PDCD10: variants seen among roughly 807,000 people sequenced by gnomAD.
PDCD10 encodes the protein programmed cell death 10, also known as programmed cell death protein 10.
PDCD10 carries 4 observed loss-of-function variants against 29.2 expected under a neutral mutation model. The observed-to-expected ratio is 0.14, with a 90% confidence interval of 0.07 to 0.31. The LOEUF is 0.31. Ranked by LOEUF, PDCD10 falls within the 10% of genes least tolerant of loss-of-function variation. The pLI is 1.00. For synonymous variants in PDCD10, 70 were observed against 82.2 expected (o/e 0.85, Z 0.80); for missense variants, 183 against 257.9 (o/e 0.71, Z 1.99).
intron 2 of PDCD10, among the ~76,000 whole-genome samples, chr3:167,728,237 A>T (rs1724422300): frequency 1.4e-5 from 1 of 72,388 alleles, no homozygotes; most frequent in African/African-American, 6.5e-5. Flanking sequence ...AGTTCTCAAT[A>T]AAAAAAAAAA....
intron 2 of PDCD10, among the ~76,000 whole-genome samples, chr3:167,733,593 GTTACCTCCAA>G (rs1559985604): frequency 6.6e-6 from 1 of 152,196 alleles, no homozygotes; most frequent in East Asian, 1.9e-4. Flanking sequence ...AAAAGACGAT[GTTACCTCCAA>G]GAAATGCAAA....
chr3:167,707,357 C>T (rs887135226), intron 3 of PDCD10, among the ~76,000 whole-genome samples: 2 of 152,052 alleles, frequency 1.3e-5, no homozygotes, highest in African/African-American at 4.8e-5. Flanking sequence ...TTAGGGATAA[C>T]GTCTTTGGCT....
chr3:167,688,028 T>C (rs1420321308), intron 6 of PDCD10, among the ~76,000 whole-genome samples: 1 of 152,222 alleles, frequency 6.6e-6, no homozygotes, highest in African/African-American at 2.4e-5. Context: ...GCCTGTCTTT[T>C]CCCATTTTAA....
intron 1 of PDCD10, 50 bp downstream of exon 1, chr3:167,734,612 G>C (rs894273918): frequency 6.6e-6 from 1 of 152,382 alleles, no homozygotes; most frequent in Non-Finnish European, 1.5e-5. Flanking sequence ...GCCGGCAGGC[G>C]GCATTTACAA....
intron 4 of PDCD10, 72 bp from the exon 5 acceptor site, chr3:167,697,198 T>G: frequency 1.2e-6 from 1 of 853,852 alleles, no homozygotes; most frequent in Non-Finnish European, 2.0e-6. Context: ...GTTTAATTGT[T>G]TAGAATCTGT....
intron 3 of PDCD10, among the ~76,000 whole-genome samples, chr3:167,712,761 A>G (rs1319748875): frequency 1.3e-5 from 2 of 152,108 alleles, no homozygotes; most frequent in Non-Finnish European, 2.9e-5. Context: ...AAGAGACGAA[A>G]AAAGATATTC....
chr3:167,734,685 C>G lies in PDCD10; in HGVS notation c.-277G>C, dbSNP rs1277780243. 1 of 154,310 alleles carries G rather than the reference C, an allele frequency of 6.5e-6. No individual in the cohort carries two copies. The highest frequency in any genetic ancestry group is 1.4e-5 in the Non-Finnish European group (1 of 69,496). 9.6% of individuals were successfully genotyped at this position (154,310 alleles called of 1,614,324 possible). A position where few individuals can be genotyped will look rare whatever the true frequency, so the allele number is the denominator to read the frequency against. ...ACGCCCGTAGGGCCCCGCTCTCAGCCCCGTCCGCTCCGCCTGCCAGAACCA... is the reference window on the plus strand; with the variant it reads ...ACGCCCGTAGGGCCCCGCTCTCAGCGCCGTCCGCTCCGCCTGCCAGAACCA... On this transcript the variant is annotated 5_prime_UTR_variant, in exon 1 of 9. Transcript: ENST00000392750.
chr3:167,689,582 C>T (rs1719992151), intron 6 of PDCD10, among the ~76,000 whole-genome samples: 2 of 95,828 alleles, frequency 2.1e-5, no homozygotes, highest in Admixed American at 1.9e-4. Context: ...CCTAGGGAGA[C>T]AAAAACACAG....
intron 2 of PDCD10, among the ~76,000 whole-genome samples, chr3:167,724,666 C>T (rs1435318448): frequency 6.6e-6 from 1 of 152,072 alleles, no homozygotes; most frequent in East Asian, 1.9e-4. Flanking sequence ...AAATAGCATG[C>T]CTAGCAAAAT....
intron 3 of PDCD10, among the ~76,000 whole-genome samples, chr3:167,717,003 T>A (rs1325871491): frequency 6.6e-6 from 1 of 151,976 alleles, no homozygotes; most frequent in Non-Finnish European, 1.5e-5. Context: ...GAACCTGATA[T>A]GACATGAAAT....
At chr3:167,723,480 T>A (rs1723786821) in intron 2 of PDCD10, among the ~76,000 whole-genome samples, 1 of 152,188 alleles carries the variant, frequency 6.6e-6, no homozygotes, top group Admixed American at 6.5e-5. Context: ...GATCACTGAC[T>A]ACAAATCCCA....
chr3:167,693,288 T>C (rs1019719086), intron 6 of PDCD10, among the ~76,000 whole-genome samples: 1 of 152,252 alleles, frequency 6.6e-6, no homozygotes, highest in Non-Finnish European at 1.5e-5. Flanking sequence ...ACATTTCAAC[T>C]TGTACATAAT....
At chr3:167,684,676 C>T (rs1425046745) in intron 8 of PDCD10, among the ~76,000 whole-genome samples, 1 of 151,854 alleles carries the variant, frequency 6.6e-6, no homozygotes, top group Non-Finnish European at 1.5e-5. Context: ...AGTTAACTGG[C>T]CAAAAGGAGG....
intron 6 of PDCD10, among the ~76,000 whole-genome samples, chr3:167,688,880 T>C (rs530303878): frequency 6.6e-6 from 1 of 152,324 alleles, no homozygotes; most frequent in East Asian, 1.9e-4. Context: ...CAGGTTTCTG[T>C]GTGCATGTGG....
chr3:167,700,379 C>T (rs1161444698), intron 4 of PDCD10, among the ~76,000 whole-genome samples: 2 of 151,826 alleles, frequency 1.3e-5, no homozygotes, highest in African/African-American at 4.8e-5. Context: ...GACAAAGTGC[C>T]ACTAGTGATG....
intron 2 of PDCD10, among the ~76,000 whole-genome samples, chr3:167,733,354 G>A (rs549233152): frequency 1.1e-4 from 16 of 152,218 alleles, no homozygotes; most frequent in African/African-American, 3.6e-4. Context: ...AGCTATAACT[G>A]GTCATAATCA....
chr3:167,710,852 G>A lies in PDCD10; in HGVS notation c.97-5957C>T, dbSNP rs114024258. Reference sequence around the variant, plus strand: ...AGCTTCAGGAAGTTCAGCACAGAGAGACAGAAAGAAACTACATTTGTTTGG... The same window carrying A: ...AGCTTCAGGAAGTTCAGCACAGAGAAACAGAAAGAAACTACATTTGTTTGG... On this transcript the variant is annotated intron_variant, in intron 3 of 8. Coordinates refer to ENST00000392750, the MANE Select transcript of PDCD10 (RefSeq NM_007217.4). Among the ~76,000 whole-genome samples the A allele has an allele frequency of 1.7e-3, 253 of 152,330 alleles. 1 individual carries two copies. The highest frequency in any genetic ancestry group is 5.8e-3 in the African/African-American group (243 of 41,578).
chr3:167,684,944 C>A (rs1719431453), intron 8 of PDCD10, among the ~76,000 whole-genome samples: 1 of 152,044 alleles, frequency 6.6e-6, no homozygotes, highest in African/African-American at 2.4e-5. Flanking sequence ...TGGGAGCTGA[C>A]AACATATAAA....
At chr3:167,685,170 G>C (rs866020192) in intron 8 of PDCD10, among the ~76,000 whole-genome samples, 5 of 152,012 alleles carry the variant, frequency 3.3e-5, no homozygotes, top group South Asian at 2.1e-4. Flanking sequence ...CCAGCACTTT[G>C]GGAGGCCAAG....
Sources: gnomAD v4.1 joint callset for allele counts (sites outside exome capture counted in the v4.1 genomes callset) on GRCh38, gnomAD v4.1.1 for gene constraint, MANE v1.5 for transcripts, NCBI Gene and HGNC (gene_info 2026-07-23, HGNC 2026-07-21) for gene names.